FAM181A: variants seen among roughly 807,000 people sequenced by gnomAD.
FAM181A encodes family with sequence similarity 181 member A.
FAM181A carries 7 observed loss-of-function variants against 16.3 expected under a neutral mutation model. The observed-to-expected ratio is 0.43, with a 90% CI of 0.24 to 0.81. The LOEUF (loss-of-function observed/expected upper bound fraction) is 0.81. Among genes scored for constraint, FAM181A ranks in the 30% least tolerant of loss-of-function variants. The probability of loss-of-function intolerance (pLI) is 0.24; values close to 1 mark genes in which losing one functional copy is unlikely to be tolerated. For synonymous variants in FAM181A, 183 were observed against 164.9 expected, an observed-to-expected ratio of 1.11 and a Z score of -0.84; for missense variants, 349 against 377.5, an observed-to-expected ratio of 0.92 and a Z score of 0.63.
rs558477188 is a variant in FAM181A at position 93,927,755 on chromosome 14, G to GCTAC, written c.-88+303_-88+306dup. 4.5e-5 allele frequency: 35 copies of GCTAC among 783,662 alleles called. No homozygotes were observed. In the South Asian group the frequency reaches 6.2e-4, roughly 14 times the overall value. The allele number at this position is 783,662 out of a possible 1,614,324, so 48.5% of individuals were successfully genotyped here. ...GGGGCAGGAGTGGTGGGAGGGGGAG[G>GCTAC]CTACCACCAGGGAGGAAGGGGGCTT... On this transcript the variant is annotated intron_variant, in intron 1 of 1. Transcript: ENST00000556222.
rs1225220822 is a variant in FAM181A at position 93,927,367 on chromosome 14, G to A, written c.-175G>A. On this transcript the variant is annotated 5_prime_UTR_variant, in exon 1 of 2. Coordinates refer to ENST00000556222, the MANE Select transcript of FAM181A (RefSeq NM_001207073.2). ...TTGCACAACTGCTTCCAGCCGGACGGAGCTCGGCCGGCTGCGCCGGGGCCT... is the reference window on the plus strand; with the variant it reads ...TTGCACAACTGCTTCCAGCCGGACGAAGCTCGGCCGGCTGCGCCGGGGCCT... The A allele has an allele frequency of 7.9e-6, 9 of 1,133,640 alleles. No individual in the cohort carries two copies. In the South Asian group the frequency reaches 1.5e-4, roughly 18 times the overall value. The allele number at this position is 1,133,640 out of a possible 1,614,324, so 70.2% of individuals were successfully genotyped here.
upstream of FAM181A, chr14:93,927,062 C>CACACACACACACACACA (rs1415891809): frequency 6.3e-3 from 213 of 33,680 alleles, no homozygotes; most frequent in Non-Finnish European, 8.4e-3. Flanking sequence ...ACACACACAC[C>CACACACACACACACACA]CCACCCCCTT....
chr14:93,926,448 A>G (rs1248590645), upstream of FAM181A: 1 of 152,184 alleles, frequency 6.6e-6, no homozygotes, highest in Non-Finnish European at 1.5e-5. This position sits in a 1 kb window ranked among gnomAD's most constrained non-coding sequence, Gnocchi z 5.2. Context: ...GGCTAATATG[A>G]CACAGGAAAA....
upstream of FAM181A, among the ~76,000 whole-genome samples, chr14:93,924,628 G>C (rs1333023221): frequency 6.6e-6 from 1 of 152,218 alleles, no homozygotes; most frequent in Non-Finnish European, 1.5e-5. Flanking sequence ...ATATTCCTGA[G>C]TTGGGAAGGT....
intron 1 of FAM181A, among the ~76,000 whole-genome samples, chr14:93,919,536 G>A (rs572091854): frequency 2.0e-5 from 3 of 152,294 alleles, no homozygotes; most frequent in African/African-American, 7.2e-5. Flanking sequence ...TAAGAGGTGA[G>A]TAAACTATTT....
chr14:93,926,843 G>A (rs760140790), upstream of FAM181A: 136 of 152,412 alleles, frequency 8.9e-4, no homozygotes, highest in Non-Finnish European at 1.3e-3. This position sits in a 1 kb window ranked among gnomAD's most constrained non-coding sequence, Gnocchi z 5.2. Context: ...AGAGACAGGA[G>A]AAGAGAGAGT....
chr14:93,925,319 C>A (rs1378403545), upstream of FAM181A: 1 of 1,613,700 alleles, frequency 6.2e-7, no homozygotes, highest in African/African-American at 1.3e-5. Flanking sequence ...ATGATGCAGC[C>A]CCCACAAATC....
At chr14:93,927,777 G>T (rs983679494) in intron 1 of FAM181A, 6 of 649,226 alleles carry the variant, frequency 9.2e-6, no homozygotes, top group Non-Finnish European at 1.3e-5. Flanking sequence ...GAGGAAGGGG[G>T]CTTGGCCTTG....
At chr14:93,927,340 G>T (rs1887946251), upstream of FAM181A, 1 of 1,113,648 alleles carries the variant, frequency 9.0e-7, no homozygotes, top group Non-Finnish European at 1.1e-6. Context: ...CCCACTCAAG[G>T]GTTGCACAAC....
intron 1 of FAM181A, among the ~76,000 whole-genome samples, chr14:93,920,869 A>G (rs764579125): frequency 6.6e-5 from 10 of 152,182 alleles, no homozygotes; most frequent in Non-Finnish European, 1.3e-4. Flanking sequence ...AGATGGGCTG[A>G]GCTCTCCTCT....
In FAM181A at chr14:93,928,234, C is replaced by T; in HGVS notation, c.-52C>T. 1 of 1,613,636 alleles carries T rather than the reference C, an allele frequency of 6.2e-7. No homozygotes were observed. The highest frequency in any genetic ancestry group is 8.5e-7 in the Non-Finnish European group (1 of 1,179,956). ...TGCCCTTCCTTGGAGCTGCCGGCCA[C>T]CAGCAGAGCCTACCCTCTTCATGGA... On this transcript the variant is annotated 5_prime_UTR_variant, in exon 2 of 2. Transcript: ENST00000556222.
Position 93,927,371 on chromosome 14 carries a change from T to C in FAM181A, c.-171T>C. 8.8e-7 allele frequency: 1 copy of C among 1,133,268 alleles called. No homozygotes were observed. The highest frequency in any genetic ancestry group is 1.1e-6 in the Non-Finnish European group (1 of 912,562). The allele number at this position is 1,133,268 out of a possible 1,614,324, so 70.2% of individuals were successfully genotyped here. On this transcript the variant is annotated 5_prime_UTR_variant, in exon 1 of 2. Coordinates refer to ENST00000556222, the MANE Select transcript of FAM181A (RefSeq NM_001207073.2). ...ACAACTGCTTCCAGCCGGACGGAGC[T>C]CGGCCGGCTGCGCCGGGGCCTGTCC...
intron 1 of FAM181A, among the ~76,000 whole-genome samples, chr14:93,921,376 T>TG (rs1887717804): frequency 6.6e-6 from 1 of 152,162 alleles, no homozygotes; most frequent in Non-Finnish European, 1.5e-5. Flanking sequence ...GTGACTACTC[T>TG]GGGGCATTAC....
At chr14:93,921,141 T>A (rs902095371) in intron 1 of FAM181A, among the ~76,000 whole-genome samples, 3 of 152,206 alleles carry the variant, frequency 2.0e-5, no homozygotes, top group African/African-American at 7.2e-5. Context: ...GATGATGTAA[T>A]TCAACCAGGA....
At chr14:93,922,772 A>G (rs530427135), upstream of FAM181A, among the ~76,000 whole-genome samples, 5 of 152,328 alleles carry the variant, frequency 3.3e-5, no homozygotes, top group South Asian at 1.0e-3. Flanking sequence ...GATTTTGTAA[A>G]TGTTCTGCAA....
In FAM181A at chr14:93,929,278, G is replaced by A; in HGVS notation, c.*114G>A. ...ACAGTGTGGCCTCTTCCGTTTGTGTGCGCATGGGAGTGGAGGGCAGGATTG... is the reference window on the plus strand; with the variant it reads ...ACAGTGTGGCCTCTTCCGTTTGTGTACGCATGGGAGTGGAGGGCAGGATTG... On this transcript the variant is annotated 3_prime_UTR_variant, in exon 2 of 2. Transcript: ENST00000556222. The A allele has an allele frequency of 7.3e-7, 1 of 1,362,768 alleles. No homozygotes were observed. Among genetic ancestry groups the A allele is most frequent in the Non-Finnish European group, 9.7e-7 (1 of 1,027,782 alleles). 84.4% of individuals were successfully genotyped at this position (1,362,768 alleles called of 1,614,324 possible).
Position 93,929,082 on chromosome 14 carries a change from T to C in FAM181A, c.797T>C (p.Val266Ala). ...CKDVDGLGQK[V>A]CRPVVLKPIP... Reference sequence around the variant, plus strand: ...GATGTGGACGGCCTGGGGCAGAAGGTGTGCAGGCCCGTGGTGCTGAAACCC... The same window carrying C: ...GATGTGGACGGCCTGGGGCAGAAGGCGTGCAGGCCCGTGGTGCTGAAACCC... The change falls in exon 2 of 2, where the codon GTG becomes GCG. Residue 266 changes from valine to alanine, a missense_variant. Transcript: ENST00000556222. The C allele has an allele frequency of 1.3e-6, 2 of 1,559,654 alleles. No individual in the cohort carries two copies. Among genetic ancestry groups the C allele is most frequent in the Non-Finnish European group, 1.7e-6 (2 of 1,152,270 alleles).
At chr14:93,925,127 CG>C (rs1887852667), upstream of FAM181A, 1 of 686,952 alleles carries the variant, frequency 1.5e-6, no homozygotes, top group Non-Finnish European at 2.4e-6. Flanking sequence ...ACGGAGTCCA[CG>C]GGCCTGGTGG....
Position 93,929,124 on chromosome 14 carries a change from C to G in FAM181A, c.839C>G (p.Ala280Gly). ...VVLKPIPTKP[A>G]VPPPIFNVFG... ...CTGAAACCCATCCCCACCAAGCCAG[C>G]CGTGCCCCCACCCATCTTCAATGTC... Residue 280 changes from alanine (A) to glycine (G), a missense_variant, in exon 2 of 2, where the codon GCC becomes GGC. Ala to Gly is a moderately conservative substitution (Grantham distance 60). Coordinates refer to ENST00000556222, the MANE Select transcript of FAM181A (RefSeq NM_001207073.2). 2 of 1,524,318 alleles carry G rather than the reference C, an allele frequency of 1.3e-6. No homozygotes were observed. Among genetic ancestry groups the G allele is most frequent in the Non-Finnish European group, 1.8e-6 (2 of 1,137,574 alleles). 94.4% of individuals were successfully genotyped at this position (1,524,318 alleles called of 1,614,324 possible).
Sources: allele counts gnomAD v4.1 joint callset (sites outside exome capture counted in the v4.1 genomes callset), GRCh38; gene constraint gnomAD v4.1.1; non-coding constraint Gnocchi (gnomAD v3.1); transcripts MANE v1.5; gene names NCBI Gene and HGNC (gene_info 2026-07-23, HGNC 2026-07-21).